The following AKAP6 variants were observed in gnomAD, a reference collection of about 807,000 sequenced individuals.
AKAP6 encodes the protein A-kinase anchoring protein 6.
Under a neutral mutation model 188.5 loss-of-function variants are expected in AKAP6, and 58 were observed. That is an observed-to-expected ratio of 0.31 (90% CI 0.25 to 0.38). The LOEUF is 0.38. Ranked by LOEUF, AKAP6 falls within the 10% of genes least tolerant of loss-of-function variation. The pLI, the probability that AKAP6 is intolerant of heterozygous loss-of-function variation, is 1.00. For missense variants in AKAP6, 2,710 were observed against 2,740.0 expected (o/e 0.99, Z 0.24); for synonymous variants, 989 against 998.6 (o/e 0.99, Z 0.18).
chr14:32,429,691 A>C (rs139997677), intron 1 of AKAP6, among the ~76,000 whole-genome samples: 18 of 152,342 alleles, frequency 1.2e-4, no homozygotes, highest in Admixed American at 4.6e-4. Flanking sequence ...TAGAAGTTGA[A>C]ATGAAACTTG....
Position 32,472,425 on chromosome 14 carries a change from C to T in AKAP6, c.324+38608C>T, listed in dbSNP as rs562016309. Among the ~76,000 whole-genome samples, 226 of 152,190 alleles carry T rather than the reference C, an allele frequency of 1.5e-3. 1 individual carries two copies. Among genetic ancestry groups the T allele is most frequent in the African/African-American group, 5.2e-3 (216 of 41,496 alleles). On this transcript the variant is annotated intron_variant, in intron 2 of 13. Coordinates refer to ENST00000280979, the MANE Select transcript of AKAP6 (RefSeq NM_004274.5). ...GAGGGCAAGTATAAATGCTGTCCAC[C>T]GCATTCAATAGAAGTGTTTTCTCTA...
At chr14:32,619,034 T>G (rs114473179) in intron 7 of AKAP6, among the ~76,000 whole-genome samples, 3,306 of 147,906 alleles carry the variant, frequency 0.022, 125 homozygotes, top group African/African-American at 0.079. Context: ...GGATTATTTG[T>G]TTTTTTTTTC....
chr14:32,371,404 C>A (rs1472995904), intron 1 of AKAP6, among the ~76,000 whole-genome samples: 1 of 152,090 alleles, frequency 6.6e-6, no homozygotes, highest in Non-Finnish European at 1.5e-5. Flanking sequence ...CATAGTGAGA[C>A]CTCCATCTCT....
At chr14:32,526,122 T>C (rs895291370) in intron 2 of AKAP6, among the ~76,000 whole-genome samples, 1 of 152,170 alleles carries the variant, frequency 6.6e-6, no homozygotes, top group African/African-American at 2.4e-5. Flanking sequence ...TGGAGTACAG[T>C]GGTGTGATCA....
chr14:32,355,674 A>C (rs887905530), intron 1 of AKAP6, among the ~76,000 whole-genome samples: 2 of 152,268 alleles, frequency 1.3e-5, no homozygotes, highest in African/African-American at 4.8e-5. Flanking sequence ...ACCAATAATG[A>C]GTATAAATGC....
At position 32,382,755 on chromosome 14, in the gene AKAP6, C is replaced by T. The variant is rs117160565; in HGVS notation, c.-34-50705C>T. The stretch of plus-strand genomic sequence containing the variant: ...AGATGGGGAGTGTGGAAGTGTATAC[C>T]AGCTTTGTTTTTCATGGGAAAGAAA... On this transcript the variant is annotated intron_variant, in intron 1 of 13. Transcript: ENST00000280979. 9.5e-4 allele frequency among the ~76,000 whole-genome samples: 145 copies of T among 152,096 alleles called. 1 individual carries two copies. In the East Asian group the frequency reaches 0.021, roughly 23 times the overall value.
intron 4 of AKAP6, among the ~76,000 whole-genome samples, chr14:32,566,928 AT>A (rs926819285): frequency 1.7e-4 from 25 of 150,370 alleles, no homozygotes; most frequent in African/African-American, 6.1e-4. Context: ...CAAGTACTTA[AT>A]TTTTTTTTTC....
intron 1 of AKAP6, among the ~76,000 whole-genome samples, chr14:32,416,682 G>A (rs1287907509): frequency 6.6e-6 from 1 of 152,082 alleles, no homozygotes; most frequent in African/African-American, 2.4e-5. Flanking sequence ...AGCCTCTCGA[G>A]TAGCTGAGAT....
intron 8 of AKAP6, among the ~76,000 whole-genome samples, chr14:32,683,000 T>TTTTTTTTG (rs1449319218): frequency 6.6e-6 from 1 of 151,388 alleles, no homozygotes; most frequent in African/African-American, 2.4e-5. Context: ...TCTTCCTTTT[T>TTTTTTTTG]TTTTTGTTTT....
intron 5 of AKAP6, 83 bp from the exon 6 acceptor site, chr14:32,599,327 A>T (rs761108186): frequency 1.1e-4 from 126 of 1,177,206 alleles, no homozygotes; most frequent in Non-Finnish European, 1.2e-4. Context: ...GTGGTTCTTG[A>T]TAAAAAGTAG....
At chr14:32,782,146 C>T (rs554046639) in intron 12 of AKAP6, among the ~76,000 whole-genome samples, 12 of 114,916 alleles carry the variant, frequency 1.0e-4, no homozygotes, top group Non-Finnish European at 1.5e-4. Flanking sequence ...GCCTGGGTGA[C>T]AGAGAGCAAC....
chr14:32,642,121 A>G (rs986717556), intron 7 of AKAP6, among the ~76,000 whole-genome samples: 2 of 152,108 alleles, frequency 1.3e-5, no homozygotes, highest in Admixed American at 6.6e-5. Context: ...GTATTATTTT[A>G]TTTGCTTTTT....
rs10658220 is a variant in AKAP6 at position 32,690,076 on chromosome 14, TACACACAC to T, written c.2880-5877_2880-5870del. On this transcript the variant is annotated intron_variant, in intron 8 of 13. Transcript: ENST00000280979. ...AGATGTATTCTTAAGTGCCCCAAAA[TACACACAC>T]ACACACACACACACACACACACACA... Among the ~76,000 whole-genome samples the T allele has an allele frequency of 8.2e-3, 1,117 of 136,014 alleles. 11 individuals are homozygous for T. Among genetic ancestry groups the T allele is most frequent in the African/African-American group, 0.027 (1,010 of 36,856 alleles). 89.2% of individuals were successfully genotyped at this position (136,014 alleles called of 152,430 possible). A position where few individuals can be genotyped will look rare whatever the true frequency, so the allele number is the denominator to read the frequency against.
At chr14:32,776,327 A>T (rs1409348623) in intron 12 of AKAP6, among the ~76,000 whole-genome samples, 3 of 152,156 alleles carry the variant, frequency 2.0e-5, no homozygotes, top group East Asian at 1.9e-4. Context: ...GTAGTGAATA[A>T]GTCTCACTAG....
At chr14:32,382,964 A>G (rs1035131376) in intron 1 of AKAP6, among the ~76,000 whole-genome samples, 1 of 152,116 alleles carries the variant, frequency 6.6e-6, no homozygotes, top group Admixed American at 6.6e-5. Flanking sequence ...ACTAGCTTCA[A>G]AATTCCTATA....
At chr14:32,667,883 T>C (rs936315553) in intron 7 of AKAP6, among the ~76,000 whole-genome samples, 4 of 152,152 alleles carry the variant, frequency 2.6e-5, no homozygotes, top group Non-Finnish European at 2.9e-5. Flanking sequence ...GAGGAACTAG[T>C]GTGCATGTCT....
Position 32,558,674 on chromosome 14 carries a change from A to C in AKAP6, c.2346+11675A>C, listed in dbSNP as rs183652442. 4.6e-5 allele frequency among the ~76,000 whole-genome samples: 7 copies of C among 152,296 alleles called. No homozygotes were observed. The East Asian group carries it at 1.2e-3, about 25-fold the overall frequency. ...GAGACCCCAAAATACAATAAGATAG[A>C]AGTCTCTTTCTCTTTTACCTAGAGG... On this transcript the variant is annotated intron_variant, in intron 4 of 13. Transcript: ENST00000280979.
chr14:32,559,113 G>T (rs1164342644), intron 4 of AKAP6, among the ~76,000 whole-genome samples: 1 of 152,210 alleles, frequency 6.6e-6, no homozygotes, highest in Non-Finnish European at 1.5e-5. Flanking sequence ...ACTATTGAAT[G>T]CATGAATAAA....
chr14:32,552,941 A>G (rs1295216503), intron 4 of AKAP6, among the ~76,000 whole-genome samples: 1 of 152,108 alleles, frequency 6.6e-6, no homozygotes, highest in Non-Finnish European at 1.5e-5. Context: ...AGTGGAGTCC[A>G]TTAACTCATC....
Sources: gnomAD v4.1 joint callset for allele counts (sites outside exome capture counted in the v4.1 genomes callset) on GRCh38, gnomAD v4.1.1 for gene constraint, MANE v1.5 for transcripts, NCBI Gene and HGNC (gene_info 2026-07-23, HGNC 2026-07-21) for gene names.